The following MRPS33 variants were observed in gnomAD, a reference collection of about 807,000 sequenced individuals.
MRPS33 encodes small ribosomal subunit protein mS33.
In MRPS33, 11 loss-of-function variants were observed where a neutral mutation model predicts 11.2. The ratio of observed to expected loss-of-function variants is 0.99; its 90% CI spans 0.62 to 1.63. The LOEUF is 1.63. Among genes scored for constraint, MRPS33 ranks in the 40% most tolerant of loss-of-function variants. MRPS33 has a pLI of 0.00. For synonymous variants in MRPS33, 46 were observed against 44.0 expected (o/e 1.05, Z -0.18); for missense variants, 109 against 127.8 (o/e 0.85, Z 0.71).
At chr7:141,011,986 G>GA (rs753943703) in intron 1 of MRPS33, among the ~76,000 whole-genome samples, 22 of 35,312 alleles carry the variant, frequency 6.2e-4, no homozygotes, top group African/African-American at 1.9e-3. Flanking sequence ...TGTTTTTACA[G>GA]AAAAAAAAAC....
intron 2 of MRPS33, among the ~76,000 whole-genome samples, chr7:141,008,094 ATT>A (rs1423867968): frequency 6.6e-6 from 1 of 151,984 alleles, no homozygotes; most frequent in Non-Finnish European, 1.5e-5. Flanking sequence ...TCTGAATAAT[ATT>A]TTCTTTATTG....
intron 1 of MRPS33, among the ~76,000 whole-genome samples, chr7:141,013,664 A>G (rs552152943): frequency 6.6e-6 from 1 of 152,346 alleles, no homozygotes; most frequent in African/African-American, 2.4e-5. Flanking sequence ...TTTAAATGTG[A>G]ACTAAAGAAA....
At chr7:141,013,061 G>GAAAA (rs1028182526) in intron 1 of MRPS33, among the ~76,000 whole-genome samples, 4 of 128,640 alleles carry the variant, frequency 3.1e-5, no homozygotes, top group Non-Finnish European at 6.8e-5. Flanking sequence ...TCATGTTTAA[G>GAAAA]AAAAAAAAAA....
rs6662 is a variant in MRPS33, at chr7:141,006,357, G to T, written c.*73C>A. On this transcript the variant is annotated 3_prime_UTR_variant, in exon 3 of 3. Transcript: ENST00000324787. ...TTAGGAAGATGACATTCCTCCAATA[G>T]GTGGAAAGACAATAAATGCACTTTC... 0.83 allele frequency: 1,042,086 copies of T among 1,258,310 alleles called. 432,809 individuals carry two copies. The highest frequency in any genetic ancestry group is 0.93 in the African/African-American group (62,579 of 67,164). The allele number at this position is 1,258,310 out of a possible 1,614,324, so 77.9% of individuals were successfully genotyped here. A position where few individuals can be genotyped will look rare whatever the true frequency, so the allele number is the denominator to read the frequency against.
intron 1 of MRPS33, among the ~76,000 whole-genome samples, chr7:141,012,951 G>A (rs1168736724): frequency 1.3e-5 from 2 of 152,020 alleles, no homozygotes; most frequent in Admixed American, 1.3e-4. Flanking sequence ...CAGTGGCACT[G>A]AGTAGTAAAT....
Position 141,006,555 on chromosome 7 carries a change from A to G in MRPS33, c.216-20T>C. The G allele has an allele frequency of 1.3e-6, 2 of 1,590,170 alleles. No individual in the cohort carries two copies. Among genetic ancestry groups the G allele is most frequent in the Non-Finnish European group, 1.7e-6 (2 of 1,159,964 alleles). ...TCATCTCTGAATGAAGAAGGAAAAAATAATTAACCAGTTATTTTTACGAGT... is the reference window on the plus strand; with the variant it reads ...TCATCTCTGAATGAAGAAGGAAAAAGTAATTAACCAGTTATTTTTACGAGT... On this transcript the variant is annotated intron_variant, in intron 2 of 2. Coordinates refer to ENST00000324787, the MANE Select transcript of MRPS33 (RefSeq NM_053035.3).
At chr7:141,013,784 A>G (rs1218895948) in intron 1 of MRPS33, among the ~76,000 whole-genome samples, 1 of 152,220 alleles carries the variant, frequency 6.6e-6, no homozygotes, top group South Asian at 2.1e-4. Flanking sequence ...GAAAATTCCC[A>G]TATTTTTACT....
intron 1 of MRPS33, among the ~76,000 whole-genome samples, chr7:141,013,467 A>C (rs1392328202): frequency 6.6e-6 from 1 of 152,246 alleles, no homozygotes; most frequent in Non-Finnish European, 1.5e-5. Context: ...GCTAAACAGG[A>C]GGAAACTGAA....
chr7:141,007,636 T>A (rs1486889273), intron 2 of MRPS33, among the ~76,000 whole-genome samples: 1 of 152,122 alleles, frequency 6.6e-6, no homozygotes, highest in East Asian at 1.9e-4. Context: ...CCTGCACGCC[T>A]CCTGGAAAGG....
rs1820451176 is a variant in MRPS33 at position 141,003,387 on chromosome 7, G to C, written c.*3043C>G. The C allele has an allele frequency of 6.6e-6, 1 of 152,156 alleles. No individual in the cohort carries two copies. Among genetic ancestry groups the C allele is most frequent in the African/African-American group, 2.4e-5 (1 of 41,420 alleles). 9.4% of individuals were successfully genotyped at this position (152,156 alleles called of 1,614,324 possible). ...CTTCCAGCTGGTCCATCGTACTTCT[G>C]TACAGGCTGTTTTGAGTCACACAGC... On this transcript the variant is annotated 3_prime_UTR_variant, in exon 3 of 3. Coordinates refer to ENST00000324787, the MANE Select transcript of MRPS33 (RefSeq NM_053035.3).
chr7:141,003,328 C>T lies in MRPS33; in HGVS notation c.*3102G>A, dbSNP rs530256495. ...TGAAATTTGTTGACTTCCCTGGTGTCAAGAGTTAACTTTTCCTTATCTTCT... is the reference window on the plus strand; with the variant it reads ...TGAAATTTGTTGACTTCCCTGGTGTTAAGAGTTAACTTTTCCTTATCTTCT... On this transcript the variant is annotated 3_prime_UTR_variant, in exon 3 of 3. Transcript: ENST00000324787. The T allele has an allele frequency of 1.7e-4, 26 of 152,342 alleles. No homozygotes were observed. The highest frequency in any genetic ancestry group is 4.3e-4 in the African/African-American group (18 of 41,574). 9.4% of individuals were successfully genotyped at this position (152,342 alleles called of 1,614,324 possible).
intron 2 of MRPS33, 150 bp from the exon 3 acceptor site, chr7:141,006,685 T>C (rs1277211029): frequency 4.5e-6 from 3 of 664,090 alleles, no homozygotes; most frequent in East Asian, 5.3e-5. Flanking sequence ...GAACAAAAAG[T>C]ATAGGGAGTC....
At chr7:141,009,568 A>G (rs749485633) in intron 2 of MRPS33, 7 of 152,218 alleles carry the variant, frequency 4.6e-5, no homozygotes, top group African/African-American at 7.2e-5. Flanking sequence ...CAGCTTATCT[A>G]GACCAAATTA....
chr7:141,011,444 TG>T (rs1183557032), intron 1 of MRPS33, among the ~76,000 whole-genome samples: 1 of 152,128 alleles, frequency 6.6e-6, no homozygotes, highest in Non-Finnish European at 1.5e-5. Flanking sequence ...AACACTGAAA[TG>T]GGTATAAGAA....
chr7:141,006,473 T>G lies in MRPS33; in HGVS notation c.278A>C (p.Lys93Thr). ...TCTTTTCCCTTCTCCTTTCTTTGGT[T>G]TCTCCTTTCCACGAAGCTTCTTTAG... ...KRLKKLRGKE[K>T]PKKGEGKRAA... The change falls in exon 3 of 3, where the codon AAA (lysine) becomes ACA (threonine). Residue 93 changes from lysine (K) to threonine (T), a missense_variant. Transcript: ENST00000324787. 1 of 1,614,066 alleles carries G rather than the reference T, an allele frequency of 6.2e-7. No individual in the cohort carries two copies.
At chr7:141,012,173 C>CAAAAAAATAAAAAA (rs1820691206) in intron 1 of MRPS33, among the ~76,000 whole-genome samples, 1 of 58,782 alleles carries the variant, frequency 1.7e-5, no homozygotes, top group Non-Finnish European at 2.8e-5. Context: ...GATTGTGTGT[C>CAAAAAAATAAAAAA]AAAAAAAAAA....
intron 1 of MRPS33, among the ~76,000 whole-genome samples, chr7:141,011,015 T>C (rs1350286148): frequency 6.6e-6 from 1 of 152,238 alleles, no homozygotes; most frequent in Non-Finnish European, 1.5e-5. Context: ...AGCATCATTA[T>C]ACCTTCAGAA....
intron 1 of MRPS33, among the ~76,000 whole-genome samples, chr7:141,014,160 C>T (rs1451941789): frequency 3.3e-5 from 5 of 152,174 alleles, no homozygotes; most frequent in African/African-American, 1.2e-4. Flanking sequence ...GCCAGGTTCT[C>T]TCATCGACTA....
At chr7:141,013,155 T>C (rs1209443345) in intron 1 of MRPS33, among the ~76,000 whole-genome samples, 1 of 151,658 alleles carries the variant, frequency 6.6e-6, no homozygotes, top group Non-Finnish European at 1.5e-5. Context: ...TTACAAAGAC[T>C]GACAGCCAGA....
Sources: allele counts gnomAD v4.1 joint callset (sites outside exome capture counted in the v4.1 genomes callset), GRCh38; gene constraint gnomAD v4.1.1; transcripts MANE v1.5; gene names NCBI Gene and HGNC (gene_info 2026-07-23, HGNC 2026-07-21).